Variants in PLCH1 observed in about 807,000 individuals in gnomAD.
The protein encoded by PLCH1 is phospholipase C eta 1, also known as 1-phosphatidylinositol 4,5-bisphosphate phosphodiesterase eta-1.
Under a neutral mutation model 126.7 loss-of-function variants are expected in PLCH1, and 60 were observed. That is an observed-to-expected ratio of 0.47 (90% CI 0.38 to 0.59). The LOEUF is 0.59. Ranked by LOEUF, PLCH1 falls within the 20% of genes least tolerant of loss-of-function variation. The pLI, the probability that PLCH1 is intolerant of heterozygous loss-of-function variation, is 0.00. For missense variants in PLCH1, 1,723 were observed against 2,040.0 expected, an observed-to-expected ratio of 0.84 and a Z score of 2.99; for synonymous variants, 719 against 734.9, an observed-to-expected ratio of 0.98 and a Z score of 0.35.
chr3:155,561,633 C>G (rs1034496301), intron 8 of PLCH1, among the ~76,000 whole-genome samples: 4 of 152,032 alleles, frequency 2.6e-5, no homozygotes, highest in African/African-American at 9.7e-5. Flanking sequence ...ATTTATAGTC[C>G]TTTGGGCATA....
At chr3:155,473,447 C>T (rs1287839164) in intron 21 of PLCH1, among the ~76,000 whole-genome samples, 3 of 151,942 alleles carry the variant, frequency 2.0e-5, no homozygotes, top group African/African-American at 4.8e-5. Context: ...AACGGAAGAA[C>T]ATTCCATGCT....
chr3:155,474,987 T>G (rs1713468532), downstream of PLCH1, among the ~76,000 whole-genome samples: 2 of 130,628 alleles, frequency 1.5e-5, no homozygotes, highest in East Asian at 2.3e-4. Flanking sequence ...AGATGACGAG[T>G]TAGTGGGTGC....
At chr3:155,516,300 C>T (rs1665228856) in intron 11 of PLCH1, among the ~76,000 whole-genome samples, 1 of 152,138 alleles carries the variant, frequency 6.6e-6, no homozygotes, top group Non-Finnish European at 1.5e-5. Context: ...GGCATTACTA[C>T]CTGAGTGACT....
At chr3:155,457,988 T>A (rs1195817083) in intron 21 of PLCH1, among the ~76,000 whole-genome samples, 1 of 152,078 alleles carries the variant, frequency 6.6e-6, no homozygotes. Flanking sequence ...CAAAGGGAGA[T>A]CTTCATAATC....
At chr3:155,670,731 C>T (rs1008751727) in intron 2 of PLCH1, among the ~76,000 whole-genome samples, 1 of 152,118 alleles carries the variant, frequency 6.6e-6, no homozygotes, top group Non-Finnish European at 1.5e-5. Flanking sequence ...ACCACTTTTA[C>T]ATCACCCATA....
rs62286067 is a variant in PLCH1, at chr3:155,566,281, A to G, written c.866-1163T>C. Among the ~76,000 whole-genome samples the G allele has an allele frequency of 8.2e-4, 55 of 66,932 alleles. 9 individuals carry two copies. The highest frequency in any genetic ancestry group is 1.9e-3 in the South Asian group (5 of 2,592). 43.9% of individuals were successfully genotyped at this position (66,932 alleles called of 152,430 possible). On this transcript the variant is annotated intron_variant, in intron 7 of 22. Transcript: ENST00000460012. Reference sequence around the variant, plus strand: ...TATACACATATATATACATATATACATATATATACGTATATATACACATAT... The same window carrying G: ...TATACACATATATATACATATATACGTATATATACGTATATATACACATAT...
At chr3:155,455,488 A>T (rs1226189475) in intron 21 of PLCH1, among the ~76,000 whole-genome samples, 1 of 152,252 alleles carries the variant, frequency 6.6e-6, no homozygotes, top group Non-Finnish European at 1.5e-5. Flanking sequence ...TTTTAAAAAC[A>T]GCTTCAATTA....
chr3:155,491,539 A>G (rs1716202198), intron 18 of PLCH1, among the ~76,000 whole-genome samples: 1 of 152,180 alleles, frequency 6.6e-6, no homozygotes, highest in African/African-American at 2.4e-5. Flanking sequence ...CTGGGATTAT[A>G]AATGTGAGCC....
At chr3:155,562,406 G>A (rs1248974328) in intron 8 of PLCH1, among the ~76,000 whole-genome samples, 7 of 151,866 alleles carry the variant, frequency 4.6e-5, no homozygotes, top group Admixed American at 1.3e-4. Context: ...TATCCACTTC[G>A]CTTCCTTTCC....
At chr3:155,676,073 G>A (rs1171728669) in intron 2 of PLCH1, 2 of 1,487,726 alleles carry the variant, frequency 1.3e-6, no homozygotes, top group Admixed American at 2.3e-5. Context: ...ATTGGCAAGA[G>A]CAGTACAATT....
chr3:155,515,419 T>C (rs1720185310), intron 11 of PLCH1, among the ~76,000 whole-genome samples: 1 of 152,256 alleles, frequency 6.6e-6, no homozygotes, highest in African/African-American at 2.4e-5. Flanking sequence ...GAGAAAAGAA[T>C]GCTATGGAAA....
intron 3 of PLCH1, among the ~76,000 whole-genome samples, chr3:155,595,056 A>G (rs1166770991): frequency 6.6e-6 from 1 of 152,226 alleles, no homozygotes; most frequent in Non-Finnish European, 1.5e-5. Context: ...ACACCTGAGG[A>G]GAGGCAGAAA....
At chr3:155,711,903 A>C (rs1204109107) in intron 1 of PLCH1, among the ~76,000 whole-genome samples, 1 of 152,234 alleles carries the variant, frequency 6.6e-6, no homozygotes, top group African/African-American at 2.4e-5. Context: ...CATCCTGTCA[A>C]TATAGTGGAA....
At chr3:155,735,623 G>A (rs1749123097) in intron 1 of PLCH1, among the ~76,000 whole-genome samples, 1 of 137,052 alleles carries the variant, frequency 7.3e-6, no homozygotes. Flanking sequence ...GACAGAGCGA[G>A]ACTCCATCTC....
chr3:155,633,104 C>A (rs965755208), intron 2 of PLCH1, among the ~76,000 whole-genome samples: 12 of 151,930 alleles, frequency 7.9e-5, no homozygotes, highest in Admixed American at 7.2e-4. Context: ...GTGAGACAGT[C>A]AGGAGACGTT....
chr3:155,635,625 C>G (rs963867253), intron 2 of PLCH1, among the ~76,000 whole-genome samples: 2 of 152,234 alleles, frequency 1.3e-5, no homozygotes, highest in African/African-American at 2.4e-5. Context: ...ATTTGGCTCA[C>G]TGAGCAAATC....
chr3:155,500,904 G>A (rs2108139684), intron 13 of PLCH1, 110 bp from the exon 14 acceptor site: 1 of 716,516 alleles, frequency 1.4e-6, no homozygotes, highest in South Asian at 1.7e-5. Flanking sequence ...ACATAACTTG[G>A]AGGGAGAAAA....
At chr3:155,715,606 CTTT>C (rs763813354) in intron 1 of PLCH1, among the ~76,000 whole-genome samples, 5 of 122,740 alleles carry the variant, frequency 4.1e-5, no homozygotes, top group Non-Finnish European at 5.1e-5. Flanking sequence ...CATCTGGCCT[CTTT>C]TTTTTTTTTT....
chr3:155,518,501 C>T (rs184441594), intron 11 of PLCH1, among the ~76,000 whole-genome samples: 29 of 152,180 alleles, frequency 1.9e-4, no homozygotes, highest in African/African-American at 6.7e-4. Flanking sequence ...TATATTGTTA[C>T]AGAAAAAGAG....
Sources: gnomAD v4.1 joint callset for allele counts (sites outside exome capture counted in the v4.1 genomes callset) on GRCh38, gnomAD v4.1.1 for gene constraint, MANE v1.5 for transcripts, NCBI Gene and HGNC (gene_info 2026-07-23, HGNC 2026-07-21) for gene names.